The following ZNF609 variants were observed in gnomAD, a reference collection of about 807,000 sequenced individuals.
ZNF609 encodes the protein zinc finger protein 609.
ZNF609 carries 11 observed loss-of-function variants against 109.5 expected under a neutral mutation model. The ratio of observed to expected loss-of-function variants is 0.10; its 90% CI spans 0.06 to 0.17. The LOEUF is 0.17. Among genes scored for constraint, ZNF609 ranks in the 10% least tolerant of loss-of-function variants. The pLI is 1.00. For missense variants in ZNF609, 1,559 were observed against 1,772.4 expected (o/e 0.88, Z 2.16); for synonymous variants, 646 against 662.0 (o/e 0.98, Z 0.37).
chr15:64,497,731 C>T (rs1317540011), intron 1 of ZNF609, among the ~76,000 whole-genome samples: 1 of 151,730 alleles, frequency 6.6e-6, no homozygotes, highest in African/African-American at 2.4e-5. Flanking sequence ...GGTGAAACCC[C>T]GTCTCTACTA....
chr15:64,555,431 A>G (rs1306699438), intron 2 of ZNF609, among the ~76,000 whole-genome samples: 1 of 152,198 alleles, frequency 6.6e-6, no homozygotes, highest in Non-Finnish European at 1.5e-5. Flanking sequence ...TTGGAGGCCA[A>G]GGCGTGTGGA....
chr15:64,513,194 G>GA (rs1893759027), intron 2 of ZNF609, among the ~76,000 whole-genome samples: 1 of 152,002 alleles, frequency 6.6e-6, no homozygotes, highest in Non-Finnish European at 1.5e-5. Context: ...AGTAGGAGGA[G>GA]AAAAAATTGG....
chr15:64,602,276 T>G (rs1252819971), intron 2 of ZNF609, among the ~76,000 whole-genome samples: 1 of 152,210 alleles, frequency 6.6e-6, no homozygotes, highest in Non-Finnish European at 1.5e-5. Flanking sequence ...TGGTTCTTAA[T>G]TCTTTAGTAC....
At chr15:64,586,519 C>G (rs1709847937) in intron 2 of ZNF609, among the ~76,000 whole-genome samples, 1 of 152,120 alleles carries the variant, frequency 6.6e-6, no homozygotes, top group African/African-American at 2.4e-5. Context: ...ATTAGATTCT[C>G]ATAGGAGCGG....
chr15:64,520,011 G>A (rs1355044023), intron 2 of ZNF609, among the ~76,000 whole-genome samples: 1 of 152,174 alleles, frequency 6.6e-6, no homozygotes, highest in Non-Finnish European at 1.5e-5. Context: ...TCTCCTTGCA[G>A]CCTCTCTTGT....
chr15:64,610,812 C>T (rs1895704194), intron 2 of ZNF609, among the ~76,000 whole-genome samples: 1 of 152,086 alleles, frequency 6.6e-6, no homozygotes. Flanking sequence ...ACAGGACTGA[C>T]AGTATGAATA....
At chr15:64,474,155 G>A (rs189726928) in intron 1 of ZNF609, among the ~76,000 whole-genome samples, 97 of 151,658 alleles carry the variant, frequency 6.4e-4, no homozygotes, top group African/African-American at 2.3e-3. Flanking sequence ...TGATCCTCCC[G>A]CCTCGGCCTC....
intron 2 of ZNF609, among the ~76,000 whole-genome samples, chr15:64,580,704 G>A (rs992202917): frequency 6.6e-6 from 1 of 151,708 alleles, no homozygotes; most frequent in Non-Finnish European, 1.5e-5. Context: ...ACCATGCCTA[G>A]CTAATTTTTG....
At chr15:64,584,930 A>G (rs566948089) in intron 2 of ZNF609, among the ~76,000 whole-genome samples, 51 of 151,188 alleles carry the variant, frequency 3.4e-4, no homozygotes, top group Non-Finnish European at 6.5e-4. Context: ...CCTGCCTGCT[A>G]TTTTTAAAAA....
At chr15:64,547,041 C>T (rs1036544040) in intron 2 of ZNF609, among the ~76,000 whole-genome samples, 9 of 149,300 alleles carry the variant, frequency 6.0e-5, no homozygotes, top group Non-Finnish European at 7.4e-5. Flanking sequence ...CCACCCACCT[C>T]GGCCTCCCAA....
At chr15:64,536,858 C>T (rs188361994) in intron 2 of ZNF609, among the ~76,000 whole-genome samples, 10 of 145,074 alleles carry the variant, frequency 6.9e-5, no homozygotes, top group African/African-American at 2.3e-4. Flanking sequence ...TGCAGTGAGC[C>T]GGAATTGTGC....
At chr15:64,480,194 G>C (rs574430416) in intron 1 of ZNF609, among the ~76,000 whole-genome samples, 1 of 151,552 alleles carries the variant, frequency 6.6e-6, no homozygotes, top group African/African-American at 2.4e-5. Context: ...AGCCGATATC[G>C]TGCCACTGCA....
rs184919670 is a variant in ZNF609 at position 64,654,285 on chromosome 15, C to T, written c.974-16061C>T. The T allele has an allele frequency of 3.9e-5, 6 of 152,254 alleles. No homozygotes were observed. In the East Asian group the frequency reaches 1.2e-3, roughly 29 times the overall value. The allele number at this position is 152,254 out of a possible 1,614,324, so 9.4% of individuals were successfully genotyped here. A position where few individuals can be genotyped will look rare whatever the true frequency, so the allele number is the denominator to read the frequency against. On this transcript the variant is annotated intron_variant, in intron 3 of 9. Coordinates refer to ENST00000326648, the MANE Select transcript of ZNF609 (RefSeq NM_015042.2). Reference sequence around the variant, plus strand: ...CTCCTGACTTCAGGTGATTCACCCGCCTCAGCTTCCCAAAGTGCTGGGATT... The same window carrying T: ...CTCCTGACTTCAGGTGATTCACCCGTCTCAGCTTCCCAAAGTGCTGGGATT...
chr15:64,669,612 C>T (rs369576907), intron 3 of ZNF609, among the ~76,000 whole-genome samples: 1 of 152,094 alleles, frequency 6.6e-6, no homozygotes, highest in Non-Finnish European at 1.5e-5. Context: ...GGTGTGGGGA[C>T]TACCTTTTGA....
intron 2 of ZNF609, among the ~76,000 whole-genome samples, chr15:64,606,334 G>A (rs1895599426): frequency 6.6e-6 from 1 of 151,576 alleles, no homozygotes; most frequent in South Asian, 2.1e-4. Flanking sequence ...CACTTTGGGA[G>A]GCTGAGGCAA....
chr15:64,524,578 A>AGG (rs1204341064), intron 2 of ZNF609, among the ~76,000 whole-genome samples: 180 of 143,980 alleles, frequency 1.3e-3, no homozygotes, highest in Middle Eastern at 3.6e-3. Context: ...AAAAAAAAAA[A>AGG]GGGGGGGGCC....
At chr15:64,671,323 C>G (rs1451922319) in intron 4 of ZNF609, 1 of 151,864 alleles carries the variant, frequency 6.6e-6, no homozygotes, top group Non-Finnish European at 1.5e-5. Flanking sequence ...TTAGCATGGC[C>G]CCTGCACAAG....
chr15:64,673,324 C>G lies in ZNF609; in HGVS notation c.1062-592C>G, dbSNP rs78891989. Among the ~76,000 whole-genome samples, 1,387 of 152,266 alleles carry G rather than the reference C, an allele frequency of 9.1e-3. 20 individuals are homozygous for G. Among genetic ancestry groups the G allele is most frequent in the African/African-American group, 0.031 (1,303 of 41,546 alleles). On this transcript the variant is annotated intron_variant, in intron 4 of 9. Transcript: ENST00000326648. ...ACCAATCTTAGCTAAAGGTTTAATT[C>G]TAGGCAGTGTTTTAAGCTCCATGAA... is the stretch of plus-strand genomic sequence containing the variant.
intron 2 of ZNF609, among the ~76,000 whole-genome samples, chr15:64,515,171 T>C (rs541180615): frequency 6.6e-6 from 1 of 152,262 alleles, no homozygotes; most frequent in African/African-American, 2.4e-5. Context: ...ATTGTATGTA[T>C]CTTGAAAACT....
Sources: gnomAD v4.1 joint callset for allele counts (sites outside exome capture counted in the v4.1 genomes callset) on GRCh38, gnomAD v4.1.1 for gene constraint, MANE v1.5 for transcripts, NCBI Gene and HGNC (gene_info 2026-07-23, HGNC 2026-07-21) for gene names.